Variants in KALRN observed in about 807,000 individuals in gnomAD.
KALRN encodes the protein kalirin.
Under a neutral mutation model 353.7 loss-of-function variants are expected in KALRN, and 70 were observed. The observed-to-expected ratio is 0.20, with a 90% CI of 0.16 to 0.24. The LOEUF (loss-of-function observed/expected upper bound fraction) is 0.24. KALRN is among the 10% of genes least tolerant of loss of function. The pLI, the probability that KALRN is intolerant of heterozygous loss-of-function variation, is 1.00. For missense variants in KALRN, 2,791 were observed against 3,756.7 expected (o/e 0.74, Z 6.72); for synonymous variants, 1,391 against 1,434.8 (o/e 0.97, Z 0.69).
At chr3:124,241,372 A>T (rs59099665) in intron 3 of KALRN, among the ~76,000 whole-genome samples, 710 of 152,346 alleles carry the variant, frequency 4.7e-3, no homozygotes, top group African/African-American at 0.015. Flanking sequence ...AACATAATTT[A>T]GAGTGAAAAA....
At chr3:124,592,851 G>T (rs988834074) in intron 34 of KALRN, among the ~76,000 whole-genome samples, 3 of 152,258 alleles carry the variant, frequency 2.0e-5, no homozygotes, top group Non-Finnish European at 2.9e-5. Context: ...CCAGGAGGCT[G>T]CCAGGCAGCT....
At chr3:124,655,984 A>G (rs1011007358) in intron 39 of KALRN, among the ~76,000 whole-genome samples, 2 of 152,186 alleles carry the variant, frequency 1.3e-5, no homozygotes, top group African/African-American at 4.8e-5. Flanking sequence ...ATGTTTAACT[A>G]TGTGGACATA....
At chr3:124,361,596 A>T (rs895521949) in intron 10 of KALRN, among the ~76,000 whole-genome samples, 1 of 152,256 alleles carries the variant, frequency 6.6e-6, no homozygotes, top group Non-Finnish European at 1.5e-5. Context: ...GTGTGTAAAG[A>T]GAAGCAACAT....
At chr3:124,117,322 T>G (rs1277160968) in intron 1 of KALRN, among the ~76,000 whole-genome samples, 1 of 149,588 alleles carries the variant, frequency 6.7e-6, no homozygotes, top group East Asian at 2.0e-4. Flanking sequence ...AAAACAGTGT[T>G]TTTTTTTTTT....
chr3:124,553,058 G>A (rs112709745), intron 33 of KALRN, among the ~76,000 whole-genome samples: 2,360 of 152,260 alleles, frequency 0.015, 54 homozygotes, highest in African/African-American at 0.052. Context: ...GAGCCACCGC[G>A]CCCAGCCCTG....
At chr3:124,219,989 G>A (rs1190122631) in intron 1 of KALRN, among the ~76,000 whole-genome samples, 2 of 151,716 alleles carry the variant, frequency 1.3e-5, no homozygotes, top group Non-Finnish European at 2.9e-5. Flanking sequence ...CTGTCTCCCA[G>A]GCCGGAGTGC....
At chr3:124,517,923 T>G (rs990383048) in intron 33 of KALRN, among the ~76,000 whole-genome samples, 1 of 152,164 alleles carries the variant, frequency 6.6e-6, no homozygotes, top group Non-Finnish European at 1.5e-5. Flanking sequence ...CTAAAAGAGC[T>G]TAAACAAGAA....
At position 124,392,327 on chromosome 3, in the gene KALRN, A is replaced by G. The variant is rs565187116; in HGVS notation, c.1963-2808A>G. 5.9e-5 allele frequency among the ~76,000 whole-genome samples: 9 copies of G among 152,312 alleles called. No individual in the cohort carries two copies. In the South Asian group the frequency reaches 1.0e-3, roughly 18 times the overall value. On this transcript the variant is annotated intron_variant, in intron 11 of 59. Transcript: ENST00000682506. The stretch of plus-strand genomic sequence containing the variant: ...TATGTAGCACTGATAAGTATTGACT[A>G]TATGTCAGACACTGTTGATAAGTAA...
At chr3:124,704,686 T>G (rs879783023) in intron 57 of KALRN, among the ~76,000 whole-genome samples, 3 of 152,182 alleles carry the variant, frequency 2.0e-5, no homozygotes, top group Non-Finnish European at 2.9e-5. Context: ...TAGCTGGGAC[T>G]ACAGGCGTGA....
intron 5 of KALRN, among the ~76,000 whole-genome samples, chr3:124,275,892 G>A (rs1335889224): frequency 1.3e-5 from 2 of 152,154 alleles, no homozygotes; most frequent in Non-Finnish European, 2.9e-5. Context: ...GGTCACACTG[G>A]GGTCACACCT....
chr3:124,195,541 C>T (rs1439692265), intron 1 of KALRN, among the ~76,000 whole-genome samples: 1 of 152,150 alleles, frequency 6.6e-6, no homozygotes, highest in South Asian at 2.1e-4. Flanking sequence ...TTCCCCTCCT[C>T]CTCAAGGGCC....
rs201532302 is a variant in KALRN, at chr3:124,234,785, C to T, written c.149-44C>T. 2,900 of 1,441,926 alleles carry T rather than the reference C, an allele frequency of 2.0e-3. 7 individuals are homozygous for T. Among genetic ancestry groups the T allele is most frequent in the Non-Finnish European group, 2.6e-3 (2,691 of 1,046,292 alleles). The allele number at this position is 1,441,926 out of a possible 1,614,324, so 89.3% of individuals were successfully genotyped here. ...TCTTTTTCCTCTGTGGCTTTCCTTT[C>T]TGACTGGTTTTCTTAAACACTCTTC... is the stretch of plus-strand genomic sequence containing the variant. On this transcript the variant is annotated intron_variant, in intron 2 of 59. Transcript: ENST00000682506.
At chr3:124,164,998 G>A (rs999714077) in intron 1 of KALRN, among the ~76,000 whole-genome samples, 1 of 152,122 alleles carries the variant, frequency 6.6e-6, no homozygotes, top group East Asian at 1.9e-4. Context: ...TATCCTTCTG[G>A]CTATAAAATC....
At chr3:124,405,055 C>A in intron 13 of KALRN, among the ~76,000 whole-genome samples, 1 of 152,150 alleles carries the variant, frequency 6.6e-6, no homozygotes, top group East Asian at 1.9e-4. Context: ...ACCCCCAGAA[C>A]CTTTGGAAAG....
At position 124,643,719 on chromosome 3, in the gene KALRN, C is replaced by T. The variant is rs181121221; in HGVS notation, c.5664+6416C>T. ...TGCCCAGACTGGCGTTGAACCTGAG[C>T]TCAAGCAATCCTCCCACTTCAGCCT... On this transcript the variant is annotated intron_variant, in intron 37 of 59. Transcript: ENST00000682506. Among the ~76,000 whole-genome samples, 36 of 152,276 alleles carry T rather than the reference C, an allele frequency of 2.4e-4. 1 individual carries two copies. Among genetic ancestry groups the T allele is most frequent in the Middle Eastern group, 3.4e-3 (1 of 294 alleles).
chr3:124,713,575 G>T (rs1390538964), intron 58 of KALRN, among the ~76,000 whole-genome samples: 1 of 152,108 alleles, frequency 6.6e-6, no homozygotes, highest in African/African-American at 2.4e-5. Flanking sequence ...CCTTCCAGGG[G>T]AGAGCCTTAC....
At chr3:124,629,517 A>G (rs1024953686) in intron 34 of KALRN, among the ~76,000 whole-genome samples, 1 of 152,284 alleles carries the variant, frequency 6.6e-6, no homozygotes, top group South Asian at 2.1e-4. Flanking sequence ...TCTTTATTTC[A>G]TCCAAAGGAT....
intron 51 of KALRN, among the ~76,000 whole-genome samples, chr3:124,682,846 C>T (rs935250317): frequency 1.3e-5 from 2 of 152,120 alleles, no homozygotes; most frequent in Admixed American, 6.5e-5. Context: ...ACATCCTTTT[C>T]CTTCCCCTGC....
At chr3:124,482,596 CT>C (rs1034487982) in intron 27 of KALRN, among the ~76,000 whole-genome samples, 25 of 152,006 alleles carry the variant, frequency 1.6e-4, no homozygotes, top group African/African-American at 4.4e-4. Context: ...ATCCTTCTCC[CT>C]TTTTACTCTC....
Sources: gnomAD v4.1 joint callset for allele counts (sites outside exome capture counted in the v4.1 genomes callset) on GRCh38, gnomAD v4.1.1 for gene constraint, MANE v1.5 for transcripts, NCBI Gene and HGNC (gene_info 2026-07-23, HGNC 2026-07-21) for gene names.